The following GPATCH2L variants were observed in gnomAD, a reference collection of about 807,000 sequenced individuals.
GPATCH2L encodes G-patch domain containing 2 like.
Under a neutral mutation model 57.4 loss-of-function variants are expected in GPATCH2L, and 31 were observed. The ratio of observed to expected loss-of-function variants is 0.54; its 90% CI spans 0.41 to 0.73. The LOEUF (loss-of-function observed/expected upper bound fraction) is 0.73, where lower values mean the gene tolerates loss of function less well. Ranked by LOEUF, GPATCH2L falls within the 30% of genes least tolerant of loss-of-function variation. The probability of loss-of-function intolerance (pLI) is 0.00; values close to 1 mark genes in which losing one functional copy is unlikely to be tolerated. For synonymous variants in GPATCH2L, 199 were observed against 210.7 expected (o/e 0.94, Z 0.48); for missense variants, 481 against 599.9 (o/e 0.80, Z 2.07).
chr14:76,227,786 C>T (rs1178231420), intron 1 of GPATCH2L, among the ~76,000 whole-genome samples: 1 of 152,116 alleles, frequency 6.6e-6, no homozygotes, highest in Non-Finnish European at 1.5e-5. Context: ...TTGCCCAATT[C>T]CCCCAACAGG....
chr14:76,214,996 G>A (rs1444190713), downstream of GPATCH2L, among the ~76,000 whole-genome samples: 4 of 151,890 alleles, frequency 2.6e-5, no homozygotes, highest in East Asian at 1.9e-4. Context: ...CTGAGCATCC[G>A]TACAGAATTC....
At chr14:76,229,612 A>C (rs1425141173) in intron 1 of GPATCH2L, among the ~76,000 whole-genome samples, 1 of 151,962 alleles carries the variant, frequency 6.6e-6, no homozygotes, top group African/African-American at 2.4e-5. Flanking sequence ...GCCCTGCGTA[A>C]GTGTCAATAA....
At chr14:76,193,982 A>G (rs995097155) in intron 8 of GPATCH2L, among the ~76,000 whole-genome samples, 19 of 152,072 alleles carry the variant, frequency 1.2e-4, no homozygotes, top group African/African-American at 3.9e-4. Flanking sequence ...TGGATGCTCT[A>G]TGTGTTCTAC....
chr14:76,161,448 A>T (rs1258121275), intron 2 of GPATCH2L, among the ~76,000 whole-genome samples: 1 of 152,200 alleles, frequency 6.6e-6, no homozygotes, highest in African/African-American at 2.4e-5. Context: ...ATTGTAGGTG[A>T]TAAAGTAATT....
intron 2 of GPATCH2L, among the ~76,000 whole-genome samples, chr14:76,163,789 C>T (rs917744071): frequency 2.0e-5 from 3 of 152,132 alleles, no homozygotes; most frequent in Admixed American, 2.0e-4. Flanking sequence ...AGTGACATGC[C>T]GCAAGGCCAT....
At chr14:76,178,174 CAT>C (rs771249611) in intron 7 of GPATCH2L, 132 bp downstream of exon 7, 67 of 1,327,956 alleles carry the variant, frequency 5.0e-5, no homozygotes, top group Non-Finnish European at 6.4e-5. Flanking sequence ...TTTCTTGTAG[CAT>C]ATATTTCATA....
At chr14:76,160,237 C>A (rs2038517303) in intron 2 of GPATCH2L, among the ~76,000 whole-genome samples, 1 of 152,174 alleles carries the variant, frequency 6.6e-6, no homozygotes, top group Admixed American at 6.5e-5. Flanking sequence ...GATTTTCTGA[C>A]TGAAACTGGC....
At chr14:76,219,446 A>T (rs1282923178) in intron 1 of GPATCH2L, among the ~76,000 whole-genome samples, 1 of 152,200 alleles carries the variant, frequency 6.6e-6, no homozygotes, top group East Asian at 1.9e-4. Context: ...GCTCTCATAC[A>T]TTGTATAAAC....
At chr14:76,228,355 G>T (rs548627931) in intron 1 of GPATCH2L, among the ~76,000 whole-genome samples, 1 of 152,108 alleles carries the variant, frequency 6.6e-6, no homozygotes, top group Admixed American at 6.6e-5. Context: ...GTGTGCGTGC[G>T]CGCGCGTGTG....
rs140982927 is a variant in GPATCH2L, at chr14:76,154,472, C to A, written c.109C>A (p.Arg37=). 2 of 1,614,054 alleles carry A rather than the reference C, an allele frequency of 1.2e-6. No individual in the cohort carries two copies. The highest frequency in any genetic ancestry group is 1.7e-6 in the Non-Finnish European group (2 of 1,180,042). ...EMALSPRQQR[R]QLRKRRGRKR... The stretch of plus-strand genomic sequence containing the variant: ...GGCGCTGAGCCCCCGACAGCAGAGG[C>A]GGCAGCTTCGGAAACGCCGAGGTCG... Residue 37 remains arginine (R), a synonymous_variant, in exon 2 of 10, where the codon CGG becomes AGG. Transcript: ENST00000261530. The surrounding 1 kb of genome is among the most constrained non-coding windows in gnomAD (Gnocchi z 4.4).
chr14:76,164,543 G>A (rs2038742366), intron 2 of GPATCH2L, among the ~76,000 whole-genome samples: 1 of 152,086 alleles, frequency 6.6e-6, no homozygotes, highest in Non-Finnish European at 1.5e-5. Flanking sequence ...GCTTTTACCA[G>A]TAAGTATGAG....
intron 2 of GPATCH2L, among the ~76,000 whole-genome samples, chr14:76,165,706 T>C (rs2038802545): frequency 6.6e-6 from 1 of 152,208 alleles, no homozygotes; most frequent in Non-Finnish European, 1.5e-5. Context: ...AATTGGCATT[T>C]TTAAGATTTA....
chr14:76,161,450 A>T (rs767819732), intron 2 of GPATCH2L, among the ~76,000 whole-genome samples: 2 of 152,214 alleles, frequency 1.3e-5, no homozygotes, highest in Non-Finnish European at 2.9e-5. Flanking sequence ...TGTAGGTGAT[A>T]AAGTAATTCT....
At chr14:76,190,220 T>C (rs1290570729) in intron 8 of GPATCH2L, among the ~76,000 whole-genome samples, 5 of 152,100 alleles carry the variant, frequency 3.3e-5, no homozygotes, top group Admixed American at 3.3e-4. Flanking sequence ...TTCAGTTACC[T>C]GCAGTAAAAA....
At chr14:76,156,445 C>T (rs550208770) in intron 2 of GPATCH2L, among the ~76,000 whole-genome samples, 3 of 152,154 alleles carry the variant, frequency 2.0e-5, no homozygotes, top group Non-Finnish European at 4.4e-5. Flanking sequence ...GAGATAGGCT[C>T]ATAATTTGAC....
At chr14:76,176,569 T>G in intron 5 of GPATCH2L, 54 bp from the exon 6 acceptor site, 1 of 1,214,664 alleles carries the variant, frequency 8.2e-7, no homozygotes, top group Non-Finnish European at 1.2e-6. Flanking sequence ...ATATTGTACT[T>G]TATATGTTTG....
intron 7 of GPATCH2L, among the ~76,000 whole-genome samples, chr14:76,180,476 T>C (rs1268356896): frequency 2.0e-5 from 3 of 152,260 alleles, no homozygotes; most frequent in African/African-American, 7.2e-5. Context: ...TGTTATATCA[T>C]GTGGAAAAAA....
Position 76,224,972 on chromosome 14 carries a change from TAAAG to T in GPATCH2L, c.66-4833_66-4830del, listed in dbSNP as rs567310143. 1.3e-3 allele frequency among the ~76,000 whole-genome samples: 203 copies of T among 151,832 alleles called. 1 individual carries two copies. Among genetic ancestry groups the T allele is most frequent in the African/African-American group, 4.6e-3 (190 of 41,422 alleles). ...CATGGAAAGCATTACAGAGGAAAAATAAAGAAGGTCTAAATAAATGGAGAGATCT... is the reference window on the plus strand; with the variant it reads ...CATGGAAAGCATTACAGAGGAAAAATAAGGTCTAAATAAATGGAGAGATCT... On this transcript the variant is annotated intron_variant and NMD_transcript_variant, in intron 1 of 3. Transcript: ENST00000556372.
chr14:76,202,508 T>G lies in GPATCH2L; in HGVS notation c.*657T>G, dbSNP rs2040326604. Reference sequence around the variant, plus strand: ...TGTATTTTACCTCATCTTCAGAGTTTATGTTCTACTGAAAGAGGACGTGTG... The same window carrying G: ...TGTATTTTACCTCATCTTCAGAGTTGATGTTCTACTGAAAGAGGACGTGTG... On this transcript the variant is annotated 3_prime_UTR_variant, in exon 10 of 10. Coordinates refer to ENST00000261530, the MANE Select transcript of GPATCH2L (RefSeq NM_017926.4). 6.7e-6 allele frequency: 1 copy of G among 150,070 alleles called. No individual in the cohort carries two copies. Among genetic ancestry groups the G allele is most frequent in the Non-Finnish European group, 1.5e-5 (1 of 67,788 alleles). 9.3% of individuals were successfully genotyped at this position (150,070 alleles called of 1,614,324 possible).
Sources: gnomAD v4.1 joint callset for allele counts (sites outside exome capture counted in the v4.1 genomes callset) on GRCh38, gnomAD v4.1.1 for gene constraint, Gnocchi (gnomAD v3.1) non-coding constraint, MANE v1.5 for transcripts, NCBI Gene and HGNC (gene_info 2026-07-23, HGNC 2026-07-21) for gene names.